TTC39B: variants seen among roughly 807,000 people sequenced by gnomAD.
TTC39B encodes tetratricopeptide repeat domain 39B, also known as tetratricopeptide repeat protein 39B.
In TTC39B, 92 loss-of-function variants were observed where a neutral mutation model predicts 96.6. The observed-to-expected ratio is 0.95, with a 90% CI of 0.80 to 1.13. The LOEUF (loss-of-function observed/expected upper bound fraction) is 1.13, where lower values mean the gene tolerates loss of function less well. TTC39B is among the 50% of genes most tolerant of loss of function. The pLI is 0.00. For synonymous variants in TTC39B, 367 were observed against 299.4 expected (o/e 1.23, Z -2.33); for missense variants, 955 against 809.3 (o/e 1.18, Z -2.18).
chr9:15,191,221 A>G, exon 10 of TTC39B: 1 of 1,610,212 alleles, frequency 6.2e-7, no homozygotes, highest in Non-Finnish European at 8.5e-7. Flanking sequence ...AAATTCTAGT[A>G]GTCTGATAAT....
chr9:15,174,203 G>A (rs978150220), intron 19 of TTC39B, among the ~76,000 whole-genome samples: 1 of 152,080 alleles, frequency 6.6e-6, no homozygotes, highest in African/African-American at 2.4e-5. Context: ...TCTCCCTCTG[G>A]CTAACAGAGC....
intron 2 of TTC39B, among the ~76,000 whole-genome samples, chr9:15,252,645 T>A (rs1348185317): frequency 2.0e-5 from 3 of 149,434 alleles, no homozygotes; most frequent in Non-Finnish European, 3.0e-5. Context: ...TGAAACTCCA[T>A]CTCAAAAAAA....
chr9:15,189,856 C>T, intron 11 of TTC39B, 64 bp from the exon 12 acceptor site: 1 of 1,149,612 alleles, frequency 8.7e-7, no homozygotes, highest in Non-Finnish European at 1.3e-6. Flanking sequence ...AACCAGCTCT[C>T]CAAATTTCAT....
chr9:15,267,872 A>C (rs189857662), intron 2 of TTC39B, 42 bp downstream of exon 2: 5 of 1,546,084 alleles, frequency 3.2e-6, no homozygotes, highest in Non-Finnish European at 4.4e-6. Context: ...GACAACCATC[A>C]ATTTTTCCTT....
intron 3 of TTC39B, among the ~76,000 whole-genome samples, chr9:15,222,120 G>C (rs1820877313): frequency 6.6e-6 from 1 of 152,172 alleles, no homozygotes; most frequent in Non-Finnish European, 1.5e-5. Context: ...GGTTTCTTTT[G>C]TCGTAGTTGT....
chr9:15,272,703 T>C (rs1304637847), intron 1 of TTC39B, among the ~76,000 whole-genome samples: 1 of 152,190 alleles, frequency 6.6e-6, no homozygotes, highest in East Asian at 1.9e-4. Context: ...CACCATTCTA[T>C]TCTTTATGAA....
intron 16 of TTC39B, 122 bp from the exon 17 acceptor site, chr9:15,182,537 G>T (rs1378522792): frequency 5.2e-6 from 3 of 573,042 alleles, no homozygotes; most frequent in Non-Finnish European, 8.7e-6. Context: ...AATATTTACA[G>T]ATCATTTTCC....
At chr9:15,197,160 C>A (rs1274013651) in intron 8 of TTC39B, among the ~76,000 whole-genome samples, 1 of 152,176 alleles carries the variant, frequency 6.6e-6, no homozygotes, top group Non-Finnish European at 1.5e-5. Flanking sequence ...GTGTGACTCA[C>A]TTTATTGCAA....
intron 17 of TTC39B, among the ~76,000 whole-genome samples, chr9:15,179,304 G>A (rs1818123688): frequency 6.6e-6 from 1 of 152,182 alleles, no homozygotes; most frequent in Non-Finnish European, 1.5e-5. Context: ...GAGGCCCTGG[G>A]AGTCCCTCCT....
At chr9:15,236,709 G>C (rs1449306389) in intron 2 of TTC39B, among the ~76,000 whole-genome samples, 1 of 152,074 alleles carries the variant, frequency 6.6e-6, no homozygotes, top group Admixed American at 6.6e-5. Context: ...TAAACAACTT[G>C]CTCCTGAACA....
intron 4 of TTC39B, among the ~76,000 whole-genome samples, chr9:15,212,007 A>C (rs1820228693): frequency 6.6e-6 from 1 of 152,216 alleles, no homozygotes; most frequent in Non-Finnish European, 1.5e-5. Context: ...CAGGATTCTT[A>C]AGGATGTTAA....
intron 2 of TTC39B, among the ~76,000 whole-genome samples, chr9:15,252,320 A>G (rs1822591341): frequency 6.6e-6 from 1 of 152,222 alleles, no homozygotes; most frequent in African/African-American, 2.4e-5. Context: ...ACAGATCTTA[A>G]GTATTTAATC....
intron 1 of TTC39B, among the ~76,000 whole-genome samples, chr9:15,284,420 AC>A (rs1823879606): frequency 6.6e-6 from 1 of 152,246 alleles, no homozygotes; most frequent in South Asian, 2.1e-4. Context: ...GGTTTCATGT[AC>A]CAAGATTATG....
chr9:15,270,214 G>T (rs1334326445), intron 1 of TTC39B, among the ~76,000 whole-genome samples: 1 of 152,070 alleles, frequency 6.6e-6, no homozygotes, highest in Non-Finnish European at 1.5e-5. Context: ...AACTGAGTTT[G>T]AGTTTGGGAC....
chr9:15,227,728 T>G (rs1821202156), intron 2 of TTC39B, among the ~76,000 whole-genome samples: 1 of 152,190 alleles, frequency 6.6e-6, no homozygotes, highest in Non-Finnish European at 1.5e-5. Flanking sequence ...GCCCATCTGT[T>G]CATTTACAGA....
At chr9:15,184,420 T>TAAA (rs35811990) in intron 16 of TTC39B, among the ~76,000 whole-genome samples, 3 of 143,182 alleles carry the variant, frequency 2.1e-5, no homozygotes, top group African/African-American at 2.6e-5. Context: ...ACTCTGAATT[T>TAAA]AAAAAAAAAA....
At chr9:15,296,929 G>A (rs1445432550) in intron 1 of TTC39B, among the ~76,000 whole-genome samples, 1 of 152,220 alleles carries the variant, frequency 6.6e-6, no homozygotes, top group East Asian at 1.9e-4. Flanking sequence ...CAAGTCTGCA[G>A]TAAGCCATGA....
chr9:15,258,117 T>C (rs1045178070), intron 2 of TTC39B, among the ~76,000 whole-genome samples: 5 of 151,788 alleles, frequency 3.3e-5, no homozygotes, highest in East Asian at 3.9e-4. Flanking sequence ...TGGGGTGCAG[T>C]TGGAAAAGTA....
chr9:15,247,434 C>A (rs1052502700), intron 2 of TTC39B, among the ~76,000 whole-genome samples: 1 of 152,082 alleles, frequency 6.6e-6, no homozygotes, highest in Non-Finnish European at 1.5e-5. Flanking sequence ...TACTCCCTAC[C>A]CTCAATTTTC....
Sources: allele counts gnomAD v4.1 joint callset (sites outside exome capture counted in the v4.1 genomes callset), GRCh38; gene constraint gnomAD v4.1.1; transcripts MANE v1.5; gene names NCBI Gene and HGNC (gene_info 2026-07-23, HGNC 2026-07-21).